The following ANKRD11 variants were observed in gnomAD, a reference collection of about 807,000 sequenced individuals.
The protein encoded by ANKRD11 is ankyrin repeat domain 11.
A neutral mutation model predicts 195.7 loss-of-function variants in ANKRD11; 17 were observed. That is an observed-to-expected ratio of 0.09 (90% confidence interval 0.06 to 0.13). The LOEUF (loss-of-function observed/expected upper bound fraction) is 0.13. Ranked by LOEUF, ANKRD11 falls within the 10% of genes least tolerant of loss-of-function variation. ANKRD11 has a pLI of 1.00. For synonymous variants in ANKRD11, 1,953 were observed against 1,528.1 expected, an observed-to-expected ratio of 1.28 and a Z score of -6.49; for missense variants, 3,735 against 3,566.1, an observed-to-expected ratio of 1.05 and a Z score of -1.21.
At chr16:89,288,417 C>G (rs940737941) in intron 7 of ANKRD11, 111 bp downstream of exon 7, 1 of 1,545,278 alleles carries the variant, frequency 6.5e-7, no homozygotes, top group African/African-American at 1.4e-5. Flanking sequence ...GGCGAAAACT[C>G]GCTTTCCTGT....
intron 3 of ANKRD11, among the ~76,000 whole-genome samples, chr16:89,316,115 C>G (rs532205689): frequency 1.3e-5 from 2 of 152,136 alleles, no homozygotes; most frequent in African/African-American, 4.8e-5. Flanking sequence ...ACGACAGCGA[C>G]AGGATGGCAG....
chr16:89,434,031 A>G (rs923860126), intron 1 of ANKRD11, among the ~76,000 whole-genome samples: 3 of 152,198 alleles, frequency 2.0e-5, no homozygotes, highest in African/African-American at 7.2e-5. Context: ...AGATGCCCCT[A>G]GTGTGTCACC....
intron 4 of ANKRD11, among the ~76,000 whole-genome samples, chr16:89,293,891 T>C (rs1367217512): frequency 6.6e-6 from 1 of 152,098 alleles, no homozygotes; most frequent in Admixed American, 6.5e-5. Context: ...AGGCGTTCCT[T>C]AGAAGTCAGT....
At chr16:89,382,607 G>A (rs567170820) in intron 2 of ANKRD11, among the ~76,000 whole-genome samples, 1 of 152,192 alleles carries the variant, frequency 6.6e-6, no homozygotes, top group South Asian at 2.1e-4. Flanking sequence ...AAAGTGCTGA[G>A]ATTACAGGCC....
intron 2 of ANKRD11, among the ~76,000 whole-genome samples, chr16:89,359,719 A>C (rs1027792137): frequency 2.0e-5 from 3 of 152,206 alleles, no homozygotes; most frequent in African/African-American, 7.2e-5. Context: ...AGGCATTTTC[A>C]ACGGTCTTCA....
At chr16:89,335,607 G>T (rs2038311843) in intron 2 of ANKRD11, among the ~76,000 whole-genome samples, 1 of 152,104 alleles carries the variant, frequency 6.6e-6, no homozygotes, top group Non-Finnish European at 1.5e-5. Context: ...GGAACCTTTG[G>T]TTTGCAAAGC....
chr16:89,368,938 T>A (rs549137058), intron 2 of ANKRD11, among the ~76,000 whole-genome samples: 1 of 152,190 alleles, frequency 6.6e-6, no homozygotes, highest in South Asian at 2.1e-4. Context: ...AAAGAGGCAG[T>A]GGGACTCTAA....
At chr16:89,472,324 C>A (rs1473456740) in intron 1 of ANKRD11, among the ~76,000 whole-genome samples, 1 of 151,534 alleles carries the variant, frequency 6.6e-6, no homozygotes, top group Non-Finnish European at 1.5e-5. Context: ...AGGGACGGTA[C>A]CAAGATCTCT....
Position 89,280,355 on chromosome 16 carries a change from C to G in ANKRD11, c.6187G>C (p.Glu2063Gln). 11 of 1,571,970 alleles carry G rather than the reference C, an allele frequency of 7.0e-6. No homozygotes were observed. The highest frequency in any genetic ancestry group is 9.5e-6 in the Non-Finnish European group (11 of 1,159,262). The stretch of plus-strand genomic sequence containing the variant: ...GACTTGCAGTTGCTGAAGAAGGACT[C>G]CAGCCCGGAGGGAGGGGCGTAGGGA... ...AAPYAPPSGL[E>Q]SFFSNCKSLP... The change falls in exon 9 of 13, where the codon GAG becomes CAG. Residue 2063 changes from glutamate to glutamine, a missense_variant. Glu to Gln is a conservative substitution (Grantham distance 29). Coordinates refer to ENST00000301030, the MANE Select transcript of ANKRD11 (RefSeq NM_013275.6).
At chr16:89,461,411 T>C (rs1257279621) in intron 1 of ANKRD11, among the ~76,000 whole-genome samples, 1 of 152,054 alleles carries the variant, frequency 6.6e-6, no homozygotes, top group Non-Finnish European at 1.5e-5. Context: ...TCAAAAATGG[T>C]ACAAATGGTC....
At chr16:89,373,171 C>T (rs1006135514) in intron 2 of ANKRD11, 2 of 152,260 alleles carry the variant, frequency 1.3e-5, no homozygotes, top group Non-Finnish European at 2.9e-5. Flanking sequence ...AAGGCCTTCA[C>T]AGATCATCCA....
intron 2 of ANKRD11, among the ~76,000 whole-genome samples, chr16:89,328,559 C>G (rs1036418613): frequency 6.6e-6 from 1 of 150,744 alleles, no homozygotes; most frequent in African/African-American, 2.5e-5. Flanking sequence ...TGCAGAGGCC[C>G]CTGCTGAGTG....
rs201813034 is a variant in ANKRD11, at chr16:89,290,749, A to G, written c.477T>C (p.Asp159=). Residue 159 remains aspartate, a synonymous_variant, in exon 6 of 13, where the codon GAT becomes GAC. Coordinates refer to ENST00000301030, the MANE Select transcript of ANKRD11 (RefSeq NM_013275.6). The part of the protein sequence containing the change: ...GTPNSASKTK[D]KVNKRNERGE... ...CACGCTCGTTTCTCTTGTTCACTTT[A>G]TCTTTGGTTTTTGAGGCAGAGTTGG... 112 of 1,613,516 alleles carry G rather than the reference A, an allele frequency of 6.9e-5. 1 individual carries two copies. The highest frequency in any genetic ancestry group is 1.0e-5 in the Non-Finnish European group (12 of 1,179,962).
At chr16:89,353,448 C>T (rs1297936389) in intron 2 of ANKRD11, among the ~76,000 whole-genome samples, 1 of 152,122 alleles carries the variant, frequency 6.6e-6, no homozygotes, top group Non-Finnish European at 1.5e-5. Context: ...GTAAGAGGAA[C>T]ACCAGTCCAA....
chr16:89,347,040 A>C (rs1260166712), intron 2 of ANKRD11, among the ~76,000 whole-genome samples: 1 of 152,148 alleles, frequency 6.6e-6, no homozygotes, highest in Non-Finnish European at 1.5e-5. Context: ...GCAGGAAGAG[A>C]AGGCTCTGCT....
At chr16:89,466,088 A>G (rs1023889368) in intron 1 of ANKRD11, among the ~76,000 whole-genome samples, 1 of 152,156 alleles carries the variant, frequency 6.6e-6, no homozygotes, top group African/African-American at 2.4e-5. Context: ...AAACTCAACA[A>G]GCTGCCCAGA....
intron 9 of ANKRD11, among the ~76,000 whole-genome samples, chr16:89,276,342 G>A (rs184629597): frequency 2.4e-4 from 36 of 152,306 alleles, no homozygotes; most frequent in South Asian, 8.3e-4. Flanking sequence ...ACAGCGATGC[G>A]CATGGACAAT....
At chr16:89,297,574 A>G (rs1458712376) in intron 4 of ANKRD11, 1 of 152,244 alleles carries the variant, frequency 6.6e-6, no homozygotes, top group Non-Finnish European at 1.5e-5. Context: ...CGGATGGTCC[A>G]CAACGCCAAG....
intron 2 of ANKRD11, among the ~76,000 whole-genome samples, chr16:89,323,604 C>G (rs114014001): frequency 0.03 from 1,087 of 35,670 alleles, 147 homozygotes; most frequent in African/African-American, 0.062. Context: ...GGGCTGAGCC[C>G]GGGGCAGGGG....
Sources: gnomAD v4.1 joint callset for allele counts (sites outside exome capture counted in the v4.1 genomes callset) on GRCh38, gnomAD v4.1.1 for gene constraint, MANE v1.5 for transcripts, NCBI Gene and HGNC (gene_info 2026-07-23, HGNC 2026-07-21) for gene names.